The following PTK2B variants were observed in gnomAD, a reference collection of about 807,000 sequenced individuals.
PTK2B encodes protein tyrosine kinase 2 beta.
Under a neutral mutation model 142.9 loss-of-function variants are expected in PTK2B, and 71 were observed. That is an observed-to-expected ratio of 0.50 (90% CI 0.41 to 0.61). The LOEUF is 0.61. Among genes scored for constraint, PTK2B ranks in the 20% least tolerant of loss-of-function variants. The pLI, the probability that PTK2B is intolerant of heterozygous loss-of-function variation, is 0.00. For synonymous variants in PTK2B, 519 were observed against 503.4 expected (o/e 1.03, Z -0.42); for missense variants, 1,105 against 1,320.4 (o/e 0.84, Z 2.53).
chr8:27,437,660 C>T, intron 17 of PTK2B, 105 bp from the exon 18 acceptor site: 1 of 1,289,258 alleles, frequency 7.8e-7, no homozygotes, highest in Non-Finnish European at 1.1e-6. Flanking sequence ...TTGGGTTTGT[C>T]TCCCACCGCC....
At position 27,437,541 on chromosome 8, in the gene PTK2B, G is replaced by A. The variant is rs1404291951; in HGVS notation, c.1527+45G>A. 6 of 1,474,650 alleles carry A rather than the reference G, an allele frequency of 4.1e-6. No individual in the cohort carries two copies. The South Asian group carries it at 4.9e-5, about 12-fold the overall frequency. The allele number at this position is 1,474,650 out of a possible 1,614,324, so 91.3% of individuals were successfully genotyped here. On this transcript the variant is annotated intron_variant, in intron 17 of 30. Transcript: ENST00000346049. ...GATGACAACTGGGCTGCAGCATGGG[G>A]GGCATTCAGAGCACAGCCCATTCCT...
intron 21 of PTK2B, among the ~76,000 whole-genome samples, chr8:27,442,136 G>C (rs3736524): frequency 0.21 from 32,574 of 152,182 alleles, 4,087 homozygotes; most frequent in Middle Eastern, 0.31. Context: ...GAGTGTCTCT[G>C]TGTAACAATA....
chr8:27,439,576 A>G (rs889324923), intron 20 of PTK2B, among the ~76,000 whole-genome samples, 178 bp downstream of exon 20: 1 of 151,940 alleles, frequency 6.6e-6, no homozygotes, highest in East Asian at 1.9e-4. Flanking sequence ...TAGGAAGGGG[A>G]GTGACCCAGG....
At chr8:27,446,070 C>G in intron 24 of PTK2B, 151 bp downstream of exon 24, 1 of 1,235,072 alleles carries the variant, frequency 8.1e-7, no homozygotes, top group Non-Finnish European at 1.1e-6. Context: ...CACTCTGTGA[C>G]TTCCTTCCCT....
chr8:27,402,594 A>C lies in PTK2B; in HGVS notation c.204+4806A>C, dbSNP rs370261374. Among the ~76,000 whole-genome samples, 5 of 152,340 alleles carry C rather than the reference A, an allele frequency of 3.3e-5. No homozygotes were observed. In the South Asian group the frequency reaches 1.0e-3, roughly 32 times the overall value. On this transcript the variant is annotated intron_variant, in intron 2 of 30. Coordinates refer to ENST00000346049, the MANE Select transcript of PTK2B (RefSeq NM_173176.3). Reference sequence around the variant, plus strand: ...TGTTGGATCCTTCCATGTGCCTGGCATCATGGTAGCATGGCCTAGGGTATT... The same window carrying C: ...TGTTGGATCCTTCCATGTGCCTGGCCTCATGGTAGCATGGCCTAGGGTATT...
intron 2 of PTK2B, among the ~76,000 whole-genome samples, chr8:27,400,703 A>G (rs1241138103): frequency 6.6e-6 from 1 of 152,224 alleles, no homozygotes; most frequent in East Asian, 1.9e-4. Context: ...GGTACTATTC[A>G]TTGAGATCCA....
chr8:27,431,577 C>G, intron 9 of PTK2B, 105 bp downstream of exon 9: 1 of 1,452,168 alleles, frequency 6.9e-7, no homozygotes, highest in East Asian at 2.3e-5. Flanking sequence ...GCCCCTGTTG[C>G]TGAAAGCAGA....
rs377311353 is a variant in PTK2B at position 27,379,349 on chromosome 8, C to T, written c.-37-18199C>T. On this transcript the variant is annotated intron_variant, in intron 1 of 30. Transcript: ENST00000346049. ...TTGAACTCCTAGGCCACCTCACCCA[C>T]CTGGGTAGCTGGGACTACAGGCACA... Among the ~76,000 whole-genome samples the T allele has an allele frequency of 7.2e-5, 11 of 152,314 alleles. No homozygotes were observed. In the South Asian group the frequency reaches 8.3e-4, roughly 11 times the overall value.
chr8:27,444,916 G>A (rs9657295), intron 23 of PTK2B, among the ~76,000 whole-genome samples: 68,351 of 151,946 alleles, frequency 0.45, 15,646 homozygotes, highest in South Asian at 0.54. Context: ...ATAGAAAGGT[G>A]GTGTCCCATG....
chr8:27,451,664 G>A, intron 27 of PTK2B, 155 bp downstream of exon 27: 1 of 1,489,402 alleles, frequency 6.7e-7, no homozygotes, highest in Non-Finnish European at 9.0e-7. Flanking sequence ...GGGCAGGCCA[G>A]CTTCCCCTCC....
At chr8:27,414,608 G>GTGTGTGTGTGTGTGTGTGTGTGTGTT (rs140323992) in intron 2 of PTK2B, among the ~76,000 whole-genome samples, 5 of 148,870 alleles carry the variant, frequency 3.4e-5, no homozygotes, top group African/African-American at 9.9e-5. Context: ...CTCTCTCTCT[G>GTGTGTGTGTGTGTGTGTGTGTGTGTT]TGTGTGTGTG....
At chr8:27,320,699 T>G (rs1649047244), upstream of PTK2B, among the ~76,000 whole-genome samples, 1 of 152,186 alleles carries the variant, frequency 6.6e-6, no homozygotes, top group Admixed American at 6.5e-5. Flanking sequence ...TGCCTTCCCT[T>G]AAAGTGCCAC....
At chr8:27,332,107 A>G (rs1803788486) in intron 1 of PTK2B, among the ~76,000 whole-genome samples, 1 of 152,176 alleles carries the variant, frequency 6.6e-6, no homozygotes, top group African/African-American at 2.4e-5. Context: ...GGCTCACTGC[A>G]AGTTTGAATC....
chr8:27,416,697 A>G (rs1809420722), intron 2 of PTK2B, among the ~76,000 whole-genome samples: 1 of 152,216 alleles, frequency 6.6e-6, no homozygotes, highest in Non-Finnish European at 1.5e-5. Flanking sequence ...TGGAGAAAAT[A>G]TTCATAAAAT....
rs146027966 is a variant in PTK2B at position 27,364,489 on chromosome 8, C to T, written c.-37-33059C>T. Among the ~76,000 whole-genome samples, 816 of 152,324 alleles carry T rather than the reference C, an allele frequency of 5.4e-3. 5 individuals are homozygous for T. The highest frequency in any genetic ancestry group is 0.018 in the African/African-American group (766 of 41,576). On this transcript the variant is annotated intron_variant, in intron 1 of 30. Transcript: ENST00000346049. ...GCAGCCGTGAAGAAAAGCTTCCTGACGGAGGTGAAACTTGAGGTGGGCTTT... is the reference window on the plus strand; with the variant it reads ...GCAGCCGTGAAGAAAAGCTTCCTGATGGAGGTGAAACTTGAGGTGGGCTTT...
At position 27,433,578 on chromosome 8, in the gene PTK2B, G is replaced by A. The variant is rs763183269; in HGVS notation, c.1105+26G>A. 40 of 1,592,314 alleles carry A rather than the reference G, an allele frequency of 2.5e-5. No individual in the cohort carries two copies. In the Admixed American group the frequency reaches 6.7e-4, roughly 27 times the overall value. ...GTGGGTTCCATTTAAAGGTAAAGTG[G>A]CTGGACCACGGGTGGCAGCACACCC... is the stretch of plus-strand genomic sequence containing the variant. On this transcript the variant is annotated intron_variant, in intron 11 of 30. Coordinates refer to ENST00000346049, the MANE Select transcript of PTK2B (RefSeq NM_173176.3).
At chr8:27,321,382 A>G (rs1353708308), upstream of PTK2B, among the ~76,000 whole-genome samples, 3 of 152,202 alleles carry the variant, frequency 2.0e-5, no homozygotes, top group Non-Finnish European at 4.4e-5. Context: ...ATTTCTTATT[A>G]TGTCATAGTA....
intron 20 of PTK2B, 149 bp from the exon 21 acceptor site, chr8:27,440,088 C>A (rs924806050): frequency 5.2e-5 from 40 of 772,132 alleles, no homozygotes; most frequent in Non-Finnish European, 7.5e-5. Context: ...GGCAGACCAC[C>A]ATGGTAGGCA....
chr8:27,340,668 C>T (rs570648469), intron 1 of PTK2B, among the ~76,000 whole-genome samples: 3 of 152,242 alleles, frequency 2.0e-5, no homozygotes, highest in Non-Finnish European at 4.4e-5. Context: ...AGCTCTTGCA[C>T]CAAGCATGGA....
Sources: allele counts gnomAD v4.1 joint callset (sites outside exome capture counted in the v4.1 genomes callset), GRCh38; gene constraint gnomAD v4.1.1; transcripts MANE v1.5; gene names NCBI Gene and HGNC (gene_info 2026-07-23, HGNC 2026-07-21).